Variants in GATAD1 observed in about 807,000 individuals in gnomAD.
The protein encoded by GATAD1 is GATA zinc finger domain containing 1.
A neutral mutation model predicts 26.5 loss-of-function variants in GATAD1; 12 were observed. The observed-to-expected ratio is 0.45, with a 90% CI of 0.29 to 0.73. GATAD1 has a LOEUF of 0.73. Among genes scored for constraint, GATAD1 ranks in the 30% least tolerant of loss-of-function variants. The pLI is 0.10. For missense variants in GATAD1, 266 were observed against 342.1 expected, an observed-to-expected ratio of 0.78 and a Z score of 1.75; for synonymous variants, 129 against 133.1, an observed-to-expected ratio of 0.97 and a Z score of 0.21.
chr7:92,484,002 T>C, the GATAD1 span, among the ~76,000 whole-genome samples: 5 of 151,970 alleles, frequency 3.3e-5, no homozygotes, highest in African/African-American at 7.3e-5. Flanking sequence ...ATGAGTCGCA[T>C]TGGGAGCAGA....
At chr7:92,460,947 G>A (rs944143335), downstream of GATAD1, among the ~76,000 whole-genome samples, 5 of 151,378 alleles carry the variant, frequency 3.3e-5, no homozygotes, top group African/African-American at 1.2e-4. Flanking sequence ...ACACACACAC[G>A]TTTGTTTGCA....
downstream of GATAD1, among the ~76,000 whole-genome samples, chr7:92,460,776 CAAAA>C (rs557542327): frequency 5.9e-3 from 373 of 63,358 alleles, 1 homozygote; most frequent in South Asian, 0.012. Context: ...GACCTTCTCT[CAAAA>C]AAAAAAAAAA....
the GATAD1 span, chr7:92,494,194 G>T: frequency 1.2e-6 from 1 of 866,252 alleles, no homozygotes; most frequent in Non-Finnish European, 1.9e-6. Context: ...AAGAAAGCTG[G>T]TCTTCTAAGG....
the GATAD1 span, among the ~76,000 whole-genome samples, chr7:92,466,161 A>C: frequency 6.6e-6 from 1 of 152,096 alleles, no homozygotes; most frequent in Non-Finnish European, 1.5e-5. Flanking sequence ...TGAGTGAAAA[A>C]GACAGCAATT....
At chr7:92,488,511 T>TA in the GATAD1 span, among the ~76,000 whole-genome samples, 1 of 152,174 alleles carries the variant, frequency 6.6e-6, no homozygotes, top group South Asian at 2.1e-4. Context: ...TAGGTGGCCA[T>TA]AAACTCAATT....
the GATAD1 span, among the ~76,000 whole-genome samples, chr7:92,473,753 C>T: frequency 2.6e-5 from 4 of 151,806 alleles, no homozygotes; most frequent in African/African-American, 7.3e-5. Flanking sequence ...GACAGTTGTC[C>T]GGGACAGAAG....
the GATAD1 span, among the ~76,000 whole-genome samples, chr7:92,474,100 A>G: frequency 2.6e-5 from 4 of 151,932 alleles, no homozygotes; most frequent in Non-Finnish European, 5.9e-5. Flanking sequence ...CCTTTTCCAG[A>G]GCCTCCAAAG....
the GATAD1 span, among the ~76,000 whole-genome samples, chr7:92,478,899 G>C: frequency 6.6e-6 from 1 of 152,148 alleles, no homozygotes; most frequent in Non-Finnish European, 1.5e-5. Context: ...TGTGTTTTCA[G>C]AACATCATGG....
intron 4 of GATAD1, 89 bp downstream of exon 4, chr7:92,454,774 C>T: frequency 1.1e-6 from 1 of 893,866 alleles, no homozygotes; most frequent in South Asian, 1.9e-5. Flanking sequence ...CTTGGGCTGT[C>T]AGGACAAAAT....
At chr7:92,463,629 C>T (rs184219305), downstream of GATAD1, among the ~76,000 whole-genome samples, 1,192 of 150,162 alleles carry the variant, frequency 7.9e-3, 19 homozygotes, top group African/African-American at 0.028. Flanking sequence ...CGCCACTGCA[C>T]TCCAGCCTGG....
the GATAD1 span, among the ~76,000 whole-genome samples, chr7:92,481,339 T>C: frequency 1.0e-3 from 155 of 151,608 alleles, no homozygotes; most frequent in Non-Finnish European, 1.9e-3. Flanking sequence ...CAACAAAGAG[T>C]GAATACAGCT....
the GATAD1 span, among the ~76,000 whole-genome samples, chr7:92,483,665 C>T: frequency 6.6e-6 from 1 of 152,162 alleles, no homozygotes; most frequent in Non-Finnish European, 1.5e-5. Flanking sequence ...TGGGAGAGGT[C>T]AGATAAAGAA....
At chr7:92,474,735 G>C in the GATAD1 span, 9 of 152,326 alleles carry the variant, frequency 5.9e-5, no homozygotes, top group African/African-American at 2.2e-4. Context: ...TCAGATCAAA[G>C]AATTGTCCTA....
the GATAD1 span, chr7:92,468,637 G>A: frequency 1.7e-6 from 1 of 582,074 alleles, no homozygotes; most frequent in Non-Finnish European, 3.0e-6. Context: ...AAAGGTGGAT[G>A]TGGTCACCTT....
chr7:92,467,898 C>A, the GATAD1 span, among the ~76,000 whole-genome samples: 1 of 152,198 alleles, frequency 6.6e-6, no homozygotes, highest in African/African-American at 2.4e-5. Context: ...TCACTGATGC[C>A]TTCGAGGAAC....
the GATAD1 span, chr7:92,468,659 T>C: frequency 2.5e-4 from 153 of 606,524 alleles, no homozygotes; most frequent in African/African-American, 2.4e-3. Flanking sequence ...CCAGCTAGGC[T>C]TAGGGATTCT....
the GATAD1 span, chr7:92,475,159 G>A: frequency 2.9e-4 from 44 of 152,166 alleles, 1 homozygote; most frequent in Admixed American, 2.6e-4. Flanking sequence ...GTAAGATGGT[G>A]TTATAATTTA....
At chr7:92,472,853 A>G in the GATAD1 span, 1 of 152,062 alleles carries the variant, frequency 6.6e-6, no homozygotes, top group Admixed American at 6.5e-5. Context: ...TGGTTTGGAA[A>G]CCATGTAGCC....
At chr7:92,491,146 A>G in the GATAD1 span, 2 of 688,524 alleles carry the variant, frequency 2.9e-6, no homozygotes, top group Non-Finnish European at 5.2e-6. Context: ...AAACAAGACT[A>G]TTTTACTGAA....
Sources: gnomAD v4.1 joint callset for allele counts (sites outside exome capture counted in the v4.1 genomes callset) on GRCh38, gnomAD v4.1.1 for gene constraint, MANE v1.5 for transcripts, NCBI Gene and HGNC (gene_info 2026-07-23, HGNC 2026-07-21) for gene names.